Variants in NTRK3 observed in about 807,000 individuals in gnomAD.
NTRK3 encodes the protein neurotrophic receptor tyrosine kinase 3.
In NTRK3, 24 loss-of-function variants were observed where a neutral mutation model predicts 91.7. That is an observed-to-expected ratio of 0.26 (90% CI 0.19 to 0.37). The LOEUF is 0.37. Ranked by LOEUF, NTRK3 falls within the 10% of genes least tolerant of loss-of-function variation. The pLI is 1.00. For synonymous variants in NTRK3, 483 were observed against 404.0 expected (o/e 1.20, Z -2.34); for missense variants, 880 against 1,068.9 (o/e 0.82, Z 2.46).
At chr15:87,942,491 C>T (rs770104516) in intron 14 of NTRK3, among the ~76,000 whole-genome samples, 3 of 152,200 alleles carry the variant, frequency 2.0e-5, no homozygotes, top group Non-Finnish European at 4.4e-5. Flanking sequence ...CCTGCTCCTG[C>T]TACCTAATCA....
At chr15:88,247,042 A>C (rs1251122397) in intron 3 of NTRK3, among the ~76,000 whole-genome samples, 1 of 152,174 alleles carries the variant, frequency 6.6e-6, no homozygotes, top group Non-Finnish European at 1.5e-5. Context: ...AAAATCTTTT[A>C]AGGTCTGTTT....
At chr15:88,147,272 C>T (rs2042970729) in intron 6 of NTRK3, 63 bp downstream of exon 6, 2 of 1,481,082 alleles carry the variant, frequency 1.4e-6, no homozygotes, top group Non-Finnish European at 1.9e-6. Flanking sequence ...CTGCTTGACA[C>T]TCCTCCCCAT....
At chr15:88,129,100 G>A (rs1234746598) in intron 10 of NTRK3, among the ~76,000 whole-genome samples, 1 of 152,196 alleles carries the variant, frequency 6.6e-6, no homozygotes, top group African/African-American at 2.4e-5. Context: ...GGGCGACAGG[G>A]TGGGCTCCCC....
chr15:88,000,839 CA>C (rs2076050937), intron 14 of NTRK3, among the ~76,000 whole-genome samples: 1 of 152,096 alleles, frequency 6.6e-6, no homozygotes. Flanking sequence ...TTTGCATGAA[CA>C]CGTTTTCAAT....
intron 14 of NTRK3, chr15:87,978,883 G>T (rs746329362): frequency 3.8e-6 from 1 of 266,020 alleles, no homozygotes; most frequent in Non-Finnish European, 7.2e-6. Flanking sequence ...GCAGGGCGAC[G>T]AGGTCACTAA....
intron 13 of NTRK3, among the ~76,000 whole-genome samples, chr15:88,118,761 C>A (rs2052381305): frequency 6.6e-6 from 1 of 152,184 alleles, no homozygotes; most frequent in African/African-American, 2.4e-5. Flanking sequence ...TGTGATCTCA[C>A]CTGTCACATG....
chr15:88,157,490 T>G (rs980411245), intron 5 of NTRK3, among the ~76,000 whole-genome samples: 3 of 151,948 alleles, frequency 2.0e-5, no homozygotes, highest in Non-Finnish European at 4.4e-5. Flanking sequence ...GGAACACGTG[T>G]GGAGCCGAGC....
chr15:88,040,611 C>G (rs1567275984), intron 13 of NTRK3, among the ~76,000 whole-genome samples: 1 of 152,242 alleles, frequency 6.6e-6, no homozygotes, highest in African/African-American at 2.4e-5. Context: ...TCCAGCAACT[C>G]TATGACTTAC....
intron 3 of NTRK3, among the ~76,000 whole-genome samples, chr15:88,201,212 A>T (rs955631377): frequency 2.0e-5 from 3 of 152,000 alleles, no homozygotes; most frequent in African/African-American, 4.8e-5. Flanking sequence ...TGCTGGCTAG[A>T]CTCTGGGGAC....
At chr15:88,066,341 T>C (rs2046648318) in intron 13 of NTRK3, among the ~76,000 whole-genome samples, 1 of 152,196 alleles carries the variant, frequency 6.6e-6, no homozygotes, top group African/African-American at 2.4e-5. Context: ...GATACTGAGA[T>C]GGGATCACCA....
At chr15:88,108,869 T>G (rs1231006286) in intron 13 of NTRK3, among the ~76,000 whole-genome samples, 1 of 152,164 alleles carries the variant, frequency 6.6e-6, no homozygotes, top group Non-Finnish European at 1.5e-5. Flanking sequence ...ATCTGCATCA[T>G]AACAAGATCC....
intron 3 of NTRK3, among the ~76,000 whole-genome samples, chr15:88,188,956 C>G (rs888598404): frequency 6.6e-6 from 1 of 152,264 alleles, no homozygotes; most frequent in African/African-American, 2.4e-5. Flanking sequence ...ATGCCCTGCT[C>G]CTACCCTCTC....
chr15:87,860,309 A>T (rs2064490282), exon 19 of NTRK3: 2 of 212,788 alleles, frequency 9.4e-6, no homozygotes, highest in African/African-American at 4.5e-5. Context: ...TGTATTAAAC[A>T]TAAATTACTA....
intron 13 of NTRK3, among the ~76,000 whole-genome samples, chr15:88,119,988 ACT>A (rs1363304592): frequency 6.6e-6 from 1 of 152,152 alleles, no homozygotes; most frequent in Admixed American, 6.5e-5. Flanking sequence ...ACATAGGGAC[ACT>A]CTGTTCCAGC....
exon 19 of NTRK3, chr15:87,861,699 C>T (rs2064528685): frequency 5.1e-6 from 1 of 194,524 alleles, no homozygotes; most frequent in Non-Finnish European, 1.1e-5. Flanking sequence ...GCCTTAAGAA[C>T]CCAGAAGTAG....
At chr15:88,048,025 C>A (rs991638600) in intron 13 of NTRK3, among the ~76,000 whole-genome samples, 1 of 152,142 alleles carries the variant, frequency 6.6e-6, no homozygotes, top group Non-Finnish European at 1.5e-5. Flanking sequence ...TATAGAGGGG[C>A]CTAGCAAGTA....
intron 13 of NTRK3, among the ~76,000 whole-genome samples, chr15:88,079,746 T>C (rs2047879709): frequency 6.6e-6 from 1 of 152,202 alleles, no homozygotes; most frequent in East Asian, 1.9e-4. Context: ...ACATTATGAA[T>C]AAAAAATGGG....
intron 3 of NTRK3, among the ~76,000 whole-genome samples, chr15:88,247,737 G>A (rs554889184): frequency 2.0e-5 from 3 of 152,244 alleles, no homozygotes; most frequent in Non-Finnish European, 4.4e-5. Context: ...ACCAAACCCT[G>A]CCCCACAGTT....
chr15:88,101,222 T>A (rs1016302987), intron 13 of NTRK3, among the ~76,000 whole-genome samples: 1 of 152,174 alleles, frequency 6.6e-6, no homozygotes. Flanking sequence ...GAATAGACAC[T>A]TCTCAAAAGA....
Sources: allele counts gnomAD v4.1 joint callset (sites outside exome capture counted in the v4.1 genomes callset), GRCh38; gene constraint gnomAD v4.1.1; transcripts MANE v1.5; gene names NCBI Gene and HGNC (gene_info 2026-07-23, HGNC 2026-07-21).